Variants in RP1L1 observed in about 807,000 individuals in gnomAD.
RP1L1 encodes the protein RP1 like 1.
In RP1L1, 27 loss-of-function variants were observed where a neutral mutation model predicts 15.7. The ratio of observed to expected loss-of-function variants is 1.72; its 90% confidence interval spans 1.27 to 2.38. The LOEUF (loss-of-function observed/expected upper bound fraction) is 2.38. Among genes scored for constraint, RP1L1 ranks in the 30% most tolerant of loss-of-function variants. The pLI is 0.00. For synonymous variants in RP1L1, 1,813 were observed against 1,276.7 expected, an observed-to-expected ratio of 1.42 and a Z score of -8.96; for missense variants, 4,798 against 3,075.9, an observed-to-expected ratio of 1.56 and a Z score of -13.24.
chr8:10,613,466 C>T (rs983384326), intron 3 of RP1L1, 120 bp from the exon 4 acceptor site: 2 of 1,399,966 alleles, frequency 1.4e-6, no homozygotes, highest in African/African-American at 2.8e-5. Context: ...CCACTGCCTC[C>T]AAAATGCACG....
intron 1 of RP1L1, among the ~76,000 whole-genome samples, chr8:10,646,881 T>C (rs1453285979): frequency 2.0e-5 from 3 of 152,244 alleles, no homozygotes; most frequent in Admixed American, 2.0e-4. Flanking sequence ...CTATTGTGTG[T>C]CCCCAGCTCT....
Position 10,608,212 on chromosome 8 carries a change from C to G in RP1L1, c.5886G>C (p.Glu1962Asp), listed in dbSNP as rs1797749039. The G allele has an allele frequency of 1.3e-6, 2 of 1,576,592 alleles. No homozygotes were observed. The highest frequency in any genetic ancestry group is 8.6e-7 in the Non-Finnish European group (1 of 1,161,934). ...GQTQPESEVI[E>D]SQEAEEEAQP... ...GGGCTTCCTCTTCTGCCTCCTGGGACTCTATAACTTCTGACTCTGGCTGGG... is the reference window on the plus strand; with the variant it reads ...GGGCTTCCTCTTCTGCCTCCTGGGAGTCTATAACTTCTGACTCTGGCTGGG... Residue 1962 changes from glutamate to aspartate, a missense_variant, in exon 4 of 4, where the codon GAG (glutamate) becomes GAC (aspartate). Glu to Asp is a conservative substitution (Grantham distance 45, BLOSUM62 2). Coordinates refer to ENST00000382483, the MANE Select transcript of RP1L1 (RefSeq NM_178857.6).
In RP1L1 at chr8:10,610,680, T is replaced by A; in HGVS notation, c.3418A>T (p.Arg1140Trp). ...EDLGSPASKV[R>W]FKDSPRYQEL... is the part of the protein sequence containing the mutation. ...TGGTACCGAGGGGAGTCTTTGAACC[T>A]CACTTTGCTGGCAGGAGACCCAAGG... The change falls in exon 4 of 4, where the codon AGG becomes TGG. Residue 1140 changes from arginine to tryptophan, a missense_variant. Arg to Trp is a moderately radical substitution (Grantham distance 101). Coordinates refer to ENST00000382483, the MANE Select transcript of RP1L1 (RefSeq NM_178857.6). 6.2e-7 allele frequency: 1 copy of A among 1,612,336 alleles called. No homozygotes were observed. Among genetic ancestry groups the A allele is most frequent in the East Asian group, 2.2e-5 (1 of 44,842 alleles).
intron 1 of RP1L1, among the ~76,000 whole-genome samples, chr8:10,640,568 A>G (rs972093576): frequency 6.6e-6 from 1 of 151,784 alleles, no homozygotes; most frequent in African/African-American, 2.4e-5. Context: ...CAGGAGAATC[A>G]CTTGAACCCA....
At position 10,611,727 on chromosome 8, in the gene RP1L1, T is replaced by G. The variant is rs1797860668; in HGVS notation, c.2371A>C (p.Ser791Arg). 1 of 1,613,450 alleles carries G rather than the reference T, an allele frequency of 6.2e-7. No homozygotes were observed. The highest frequency in any genetic ancestry group is 8.5e-7 in the Non-Finnish European group (1 of 1,179,956). Residue 791 changes from serine to arginine, a missense_variant, in exon 4 of 4, where the codon AGC becomes CGC. Physicochemically the swap from Ser to Arg is moderately radical, Grantham distance 110. Transcript: ENST00000382483. ...SDSCSKSGAA[S>R]LGEEARDTPQ... is the part of the protein sequence containing the mutation. Reference sequence around the variant, plus strand: ...GTGTCCCTGGCCTCTTCCCCCAGGCTGGCAGCCCCAGATTTTGAGCAGGAG... The same window carrying G: ...GTGTCCCTGGCCTCTTCCCCCAGGCGGGCAGCCCCAGATTTTGAGCAGGAG...
At chr8:10,635,904 G>T (rs1302792233) in intron 1 of RP1L1, among the ~76,000 whole-genome samples, 6 of 152,200 alleles carry the variant, frequency 3.9e-5, no homozygotes, top group Non-Finnish European at 8.8e-5. Flanking sequence ...AGATCCCCCG[G>T]GTCAGTCTAT....
Position 10,645,421 on chromosome 8 carries a change from A to G in RP1L1, c.-20+9477T>C, listed in dbSNP as rs573158457. Among the ~76,000 whole-genome samples, 10 of 152,332 alleles carry G rather than the reference A, an allele frequency of 6.6e-5. No individual in the cohort carries two copies. In the South Asian group the frequency reaches 2.1e-3, roughly 32 times the overall value. On this transcript the variant is annotated intron_variant, in intron 1 of 3. Coordinates refer to ENST00000382483, the MANE Select transcript of RP1L1 (RefSeq NM_178857.6). ...AAGGAAAAGGTAAAAATTTAAATTA[A>G]TTTTAATGACTCCCTTCTAAATTAG...
Position 10,611,793 on chromosome 8 carries a change from T to A in RP1L1, c.2305A>T (p.Arg769Trp). ...GGTATGGGGGCCGGCGAGCATGTCC[T>A]GGACCCCGCGTCCCCTGCCCACCCG... ...SAGWAGDAGS[R>W]TCSPAPIPPH... Residue 769 changes from arginine to tryptophan, a missense_variant, in exon 4 of 4, where the codon AGG (arginine) becomes TGG (tryptophan). Arg to Trp is a moderately radical substitution (Grantham distance 101, BLOSUM62 -3). Coordinates refer to ENST00000382483, the MANE Select transcript of RP1L1 (RefSeq NM_178857.6). 1 of 1,613,656 alleles carries A rather than the reference T, an allele frequency of 6.2e-7. No individual in the cohort carries two copies. The highest frequency in any genetic ancestry group is 8.5e-7 in the Non-Finnish European group (1 of 1,180,016).
chr8:10,634,449 G>C (rs1446276862), intron 1 of RP1L1, among the ~76,000 whole-genome samples: 1 of 152,178 alleles, frequency 6.6e-6, no homozygotes, highest in Non-Finnish European at 1.5e-5. Context: ...TCCGTGATGT[G>C]ACAAGTGGGG....
chr8:10,650,805 G>T (rs1240254663), intron 1 of RP1L1, among the ~76,000 whole-genome samples: 1 of 152,124 alleles, frequency 6.6e-6, no homozygotes, highest in Non-Finnish European at 1.5e-5. Context: ...GACCTCAGGT[G>T]ATCCACCTGC....
At chr8:10,626,479 G>A (rs1798159470) in intron 1 of RP1L1, among the ~76,000 whole-genome samples, 1 of 152,190 alleles carries the variant, frequency 6.6e-6, no homozygotes, top group Non-Finnish European at 1.5e-5. Flanking sequence ...ATGCAGCAGG[G>A]AGCTGGGTCC....
At chr8:10,621,508 T>C in intron 2 of RP1L1, 1 of 320,188 alleles carries the variant, frequency 3.1e-6, no homozygotes, top group South Asian at 2.5e-5. Context: ...GTATTTTTAG[T>C]AGATATAGGG....
chr8:10,627,998 C>T (rs1465323447), intron 1 of RP1L1, among the ~76,000 whole-genome samples: 1 of 152,230 alleles, frequency 6.6e-6, no homozygotes, highest in Non-Finnish European at 1.5e-5. Context: ...GAGGCAGGCT[C>T]ATGCCTCCTG....
intron 1 of RP1L1, among the ~76,000 whole-genome samples, chr8:10,629,402 A>C (rs1007176669): frequency 2.6e-5 from 4 of 152,162 alleles, no homozygotes; most frequent in African/African-American, 9.7e-5. Flanking sequence ...ACGAAAAGTA[A>C]ATGGGAAGGA....
At chr8:10,641,882 G>T (rs1563139537) in intron 1 of RP1L1, among the ~76,000 whole-genome samples, 2 of 152,196 alleles carry the variant, frequency 1.3e-5, no homozygotes, top group African/African-American at 4.8e-5. Context: ...TTCTGAAAAT[G>T]ACAACATTAT....
In RP1L1 at chr8:10,613,172, A is replaced by C; in HGVS notation, c.926T>G (p.Met309Arg). ...CTCATTCATGCGGACCTTCTTCTTC[A>C]TGTCATCGCCAGCCACCAGCGGGCC... ...QSGPLVAGDD[M>R]KKKVRMNEDG... The change falls in exon 4 of 4, where the codon ATG becomes AGG. Residue 309 changes from methionine to arginine, a missense_variant. Transcript: ENST00000382483. The C allele has an allele frequency of 6.2e-7, 1 of 1,613,682 alleles. No individual in the cohort carries two copies. Among genetic ancestry groups the C allele is most frequent in the Non-Finnish European group, 8.5e-7 (1 of 1,180,004 alleles).
At chr8:10,651,630 C>T (rs147157742) in intron 1 of RP1L1, among the ~76,000 whole-genome samples, 1,889 of 151,794 alleles carry the variant, frequency 0.012, 38 homozygotes, top group African/African-American at 0.043. Flanking sequence ...GAGGCTGAGG[C>T]AGGAGAATCC....
At position 10,643,176 on chromosome 8, in the gene RP1L1, A is replaced by C. The variant is rs60791526; in HGVS notation, c.-20+11722T>G. Among the ~76,000 whole-genome samples, 802 of 152,202 alleles carry C rather than the reference A, an allele frequency of 5.3e-3. 9 individuals are homozygous for C. Among genetic ancestry groups the C allele is most frequent in the African/African-American group, 0.018 (751 of 41,520 alleles). On this transcript the variant is annotated intron_variant, in intron 1 of 3. Transcript: ENST00000382483. Reference sequence around the variant, plus strand: ...AGCATGGCAAGACGCTGTCTCTACAAAAAAAACACAAAAGTTAGGTGGGTG... The same window carrying C: ...AGCATGGCAAGACGCTGTCTCTACACAAAAAACACAAAAGTTAGGTGGGTG...
At chr8:10,651,006 G>A (rs945987998) in intron 1 of RP1L1, among the ~76,000 whole-genome samples, 5 of 152,236 alleles carry the variant, frequency 3.3e-5, no homozygotes, top group Admixed American at 2.0e-4. Flanking sequence ...GCTAATAGCT[G>A]TAGTGTTTTA....
Sources: allele counts gnomAD v4.1 joint callset (sites outside exome capture counted in the v4.1 genomes callset), GRCh38; gene constraint gnomAD v4.1.1; transcripts MANE v1.5; gene names NCBI Gene and HGNC (gene_info 2026-07-23, HGNC 2026-07-21).